LIAS: variants seen among roughly 807,000 people sequenced by gnomAD.
LIAS encodes lipoic acid synthetase.
Under a neutral mutation model 49.4 loss-of-function variants are expected in LIAS, and 36 were observed. The observed-to-expected ratio is 0.73, with a 90% CI of 0.56 to 0.96. The LOEUF is 0.96. LIAS is among the 40% of genes least tolerant of loss of function. The probability of loss-of-function intolerance (pLI) is 0.00; values close to 1 mark genes in which losing one functional copy is unlikely to be tolerated. For missense variants in LIAS, 399 were observed against 456.3 expected (o/e 0.87, Z 1.14); for synonymous variants, 145 against 155.8 (o/e 0.93, Z 0.52).
intron 10 of LIAS, 55 bp from the exon 11 acceptor site, chr4:39,477,008 C>T: frequency 1.8e-6 from 2 of 1,136,736 alleles, no homozygotes; most frequent in Non-Finnish European, 2.5e-6. Flanking sequence ...AAATAGTTGT[C>T]TCACTGTTAT....
At chr4:39,460,668 A>C in intron 1 of LIAS, 122 bp from the exon 2 acceptor site, 1 of 690,412 alleles carries the variant, frequency 1.4e-6, no homozygotes, top group South Asian at 2.9e-5. Context: ...TAGAGCTCCT[A>C]GTTTGACATA....
chr4:39,462,417 C>G (rs1392950172), intron 3 of LIAS, 128 bp downstream of exon 3: 5 of 321,090 alleles, frequency 1.6e-5, no homozygotes, highest in African/African-American at 1.1e-4. Context: ...TGATACATTA[C>G]TACCAGGAAT....
intron 9 of LIAS, among the ~76,000 whole-genome samples, chr4:39,472,096 T>C (rs12501638): frequency 0.32 from 47,310 of 149,300 alleles, 8,248 homozygotes; most frequent in South Asian, 0.47. Flanking sequence ...TATGTGTGTG[T>C]GTATATCTGT....
intron 10 of LIAS, 30 bp downstream of exon 10, chr4:39,473,241 T>C (rs753843502): frequency 7.4e-7 from 1 of 1,355,246 alleles, no homozygotes; most frequent in South Asian, 1.2e-5. Flanking sequence ...ATGGTTTCAT[T>C]TAGGCCGTTA....
chr4:39,464,994 T>C lies in LIAS; in HGVS notation c.394-52T>C. 5.5e-6 allele frequency: 8 copies of C among 1,446,132 alleles called. No individual in the cohort carries two copies. The South Asian group carries it at 7.5e-5, about 14-fold the overall frequency. 89.6% of individuals were successfully genotyped at this position (1,446,132 alleles called of 1,614,324 possible). On this transcript the variant is annotated intron_variant, in intron 4 of 10. Transcript: ENST00000640888. ...CTTGCTTTATTCTCTCAACATTATG[T>C]CCTTAAGGGTCATCTGTCTATTTCA...
At position 39,467,634 on chromosome 4, in the gene LIAS, C is replaced by A; in HGVS notation, c.725C>A (p.Pro242Gln). Residue 242 changes from proline to glutamine, a missense_variant, in exon 7 of 11, where the codon CCG (proline) becomes CAG (glutamine). Coordinates refer to ENST00000640888, the MANE Select transcript of LIAS (RefSeq NM_006859.4). ...DVYAHNVETV[P>Q]ELQSKVRDPR... is the part of the protein sequence containing the mutation. The stretch of plus-strand genomic sequence containing the variant: ...TATGCACATAATGTAGAAACAGTCC[C>A]GGAATTACAGAGGTGAATACGTGTA... 6.3e-7 allele frequency: 1 copy of A among 1,579,486 alleles called. No individual in the cohort carries two copies. Among genetic ancestry groups the A allele is most frequent in the Non-Finnish European group, 8.6e-7 (1 of 1,161,436 alleles).
intron 1 of LIAS, chr4:39,459,389 C>G: frequency 1.7e-6 from 1 of 601,164 alleles, no homozygotes; most frequent in Non-Finnish European, 2.9e-6. Context: ...GCACCGAGGA[C>G]TTATTTTCTG....
rs1303084300 is a variant in LIAS at position 39,478,363 on chromosome 4, G to A, written c.*1248G>A. The A allele has an allele frequency of 6.6e-6, 1 of 152,158 alleles. No homozygotes were observed. Among genetic ancestry groups the A allele is most frequent in the African/African-American group, 2.4e-5 (1 of 41,436 alleles). The allele number at this position is 152,158 out of a possible 1,614,324, so 9.4% of individuals were successfully genotyped here. On this transcript the variant is annotated 3_prime_UTR_variant, in exon 11 of 11. Coordinates refer to ENST00000640888, the MANE Select transcript of LIAS (RefSeq NM_006859.4). ...TACTAAAAATAAAAAAATTAGCTAG[G>A]TGTGTTGGCAGGTGCCTGTAATCCC...
intron 1 of LIAS, 51 bp downstream of exon 1, chr4:39,459,213 C>T (rs1257993314): frequency 6.5e-7 from 1 of 1,541,452 alleles, no homozygotes; most frequent in Admixed American, 1.8e-5. Context: ...GATCCTATCC[C>T]TTCAGAGCGC....
chr4:39,471,230 C>G lies in LIAS; in HGVS notation c.884-6C>G, dbSNP rs1010563019. The stretch of plus-strand genomic sequence containing the variant: ...GCTAATGTAATTTGTGCTTTTCTTC[C>G]TACAGCACTTCGTGAGGCAGATGTA... On this transcript the variant is annotated splice_polypyrimidine_tract_variant and splice_region_variant and intron_variant, in intron 8 of 10. Transcript: ENST00000640888. 6.2e-7 allele frequency: 1 copy of G among 1,604,860 alleles called. No homozygotes were observed. Among genetic ancestry groups the G allele is most frequent in the Non-Finnish European group, 8.5e-7 (1 of 1,173,256 alleles).
At chr4:39,474,262 C>CAAAAA (rs34137564) in intron 10 of LIAS, among the ~76,000 whole-genome samples, 3 of 92,400 alleles carry the variant, frequency 3.2e-5, no homozygotes, top group African/African-American at 8.6e-5. Context: ...GACTCTGTCT[C>CAAAAA]AAAAAAAAAA....
At chr4:39,462,645 T>A in intron 3 of LIAS, among the ~76,000 whole-genome samples, 1 of 152,238 alleles carries the variant, frequency 6.6e-6, no homozygotes, top group Non-Finnish European at 1.5e-5. Context: ...CAGACTTTTT[T>A]ATTTGCACAT....
intron 6 of LIAS, among the ~76,000 whole-genome samples, chr4:39,465,641 A>G (rs948484283): frequency 6.6e-6 from 1 of 151,578 alleles, no homozygotes; most frequent in Non-Finnish European, 1.5e-5. Context: ...TTCTTTAAAA[A>G]GTATAAACCT....
At chr4:39,466,749 A>C (rs867682604) in intron 6 of LIAS, 1 of 152,080 alleles carries the variant, frequency 6.6e-6, no homozygotes, top group African/African-American at 2.4e-5. Flanking sequence ...TGTTCTTTGA[A>C]TATCTCTTAT....
chr4:39,471,677 C>T (rs1187358691), intron 9 of LIAS, among the ~76,000 whole-genome samples: 2 of 151,816 alleles, frequency 1.3e-5, no homozygotes, highest in African/African-American at 4.8e-5. Flanking sequence ...CAGGCACACA[C>T]TACCACACCC....
intron 7 of LIAS, chr4:39,469,639 ATGAACT>A (rs768655291): frequency 1.0e-3 from 168 of 163,842 alleles, no homozygotes; most frequent in South Asian, 3.3e-3. Context: ...CAGAAAAGAA[ATGAACT>A]TGAAAGTTTC....
At chr4:39,463,122 A>G (rs1744604139) in intron 3 of LIAS, among the ~76,000 whole-genome samples, 1 of 149,278 alleles carries the variant, frequency 6.7e-6, no homozygotes, top group African/African-American at 2.5e-5. Flanking sequence ...TTTTGAAGAC[A>G]GGGCATTGCT....
At position 39,478,094 on chromosome 4, in the gene LIAS, A is replaced by G. The variant is rs1745265839; in HGVS notation, c.*979A>G. The G allele has an allele frequency of 1.3e-5, 2 of 152,278 alleles. No homozygotes were observed. The highest frequency in any genetic ancestry group is 2.9e-5 in the Non-Finnish European group (2 of 68,054). 9.4% of individuals were successfully genotyped at this position (152,278 alleles called of 1,614,324 possible). On this transcript the variant is annotated 3_prime_UTR_variant, in exon 11 of 11. Coordinates refer to ENST00000640888, the MANE Select transcript of LIAS (RefSeq NM_006859.4). ...GTTACTGTGATGAAACAGTCAACATAGATTGAAACTCATCAGTTTAGCATT... is the reference window on the plus strand; with the variant it reads ...GTTACTGTGATGAAACAGTCAACATGGATTGAAACTCATCAGTTTAGCATT...
Position 39,465,053 on chromosome 4 carries a change from G to T in LIAS, c.401G>T (p.Gly134Val). ...GTAACATTTCTATTCTAGTTGATGG[G>T]TGACACATGTACAAGAGGTTGCAGA... ...ATATATIMLM[G>V]DTCTRGCRFC... Residue 134 changes from glycine to valine, a missense_variant, in exon 5 of 11, where the codon GGT (glycine) becomes GTT (valine). Physicochemically the swap from Gly to Val is moderately radical, Grantham distance 109. This residue lies in a region of LIAS where 234 missense variants were observed against 292.2 expected (regional missense o/e 0.80). Transcript: ENST00000640888. 1 of 1,612,630 alleles carries T rather than the reference G, an allele frequency of 6.2e-7. No homozygotes were observed. Among genetic ancestry groups the T allele is most frequent in the Non-Finnish European group, 8.5e-7 (1 of 1,179,162 alleles).
Sources: gnomAD v4.1 joint callset for allele counts (sites outside exome capture counted in the v4.1 genomes callset) on GRCh38, gnomAD v4.1.1 for gene constraint, gnomAD v4.1.1 regional missense constraint, MANE v1.5 for transcripts, NCBI Gene and HGNC (gene_info 2026-07-23, HGNC 2026-07-21) for gene names.